The following ITGAE variants were observed in gnomAD, a reference collection of about 807,000 sequenced individuals.
The protein encoded by ITGAE is integrin subunit alpha E, also known as integrin alpha-E.
Under a neutral mutation model 136.5 loss-of-function variants are expected in ITGAE, and 99 were observed. The ratio of observed to expected loss-of-function variants is 0.73; its 90% CI spans 0.62 to 0.86. ITGAE has a LOEUF of 0.86. ITGAE is among the 40% of genes least tolerant of loss of function. ITGAE has a pLI of 0.00. For synonymous variants in ITGAE, 613 were observed against 591.8 expected, an observed-to-expected ratio of 1.04 and a Z score of -0.52; for missense variants, 1,447 against 1,515.3, an observed-to-expected ratio of 0.95 and a Z score of 0.75.
At position 3,743,560 on chromosome 17, in the gene ITGAE, T is replaced by A. The variant is rs764426775; in HGVS notation, c.2377A>T (p.Thr793Ser). Reference sequence around the variant, plus strand: ...GGATGGTCCGTCTGTCCCTCAGGGGTCTGGAGCTGGTAGCTGACTTTGACA... The same window carrying A: ...GGATGGTCCGTCTGTCCCTCAGGGGACTGGAGCTGGTAGCTGACTTTGACA... ...ASVKVSYQLQTPEGQTDHPQP... is the reference protein window; with the variant it reads ...ASVKVSYQLQSPEGQTDHPQP... The change falls in exon 19 of 31, where the codon ACC becomes TCC. Residue 793 changes from threonine to serine, a missense_variant. By Grantham distance (58) the Thr-to-Ser change is moderately conservative. Coordinates refer to ENST00000263087, the MANE Select transcript of ITGAE (RefSeq NM_002208.5). 3.7e-6 allele frequency: 6 copies of A among 1,612,818 alleles called. No individual in the cohort carries two copies. The South Asian group carries it at 4.4e-5, about 12-fold the overall frequency.
intron 24 of ITGAE, among the ~76,000 whole-genome samples, chr17:3,728,861 C>T (rs2915556): frequency 0.39 from 58,898 of 150,420 alleles, 13,567 homozygotes; most frequent in African/African-American, 0.64. Context: ...GTGAAATCCC[C>T]GTCTCTATTA....
chr17:3,752,592 C>G (rs2051898531), intron 14 of ITGAE, among the ~76,000 whole-genome samples: 1 of 151,950 alleles, frequency 6.6e-6, no homozygotes, highest in African/African-American at 2.4e-5. Context: ...CCCATCTCTA[C>G]TAAAATTACA....
chr17:3,754,473 T>C (rs889583176), intron 12 of ITGAE, among the ~76,000 whole-genome samples: 7 of 152,190 alleles, frequency 4.6e-5, no homozygotes, highest in African/African-American at 1.7e-4. Flanking sequence ...GGTTTTGCCA[T>C]GTTGGCCGGG....
intron 1 of ITGAE, among the ~76,000 whole-genome samples, chr17:3,780,200 A>C: frequency 1.5e-5 from 2 of 133,420 alleles, no homozygotes; most frequent in Admixed American, 8.0e-5. Context: ...AAATGGAGTC[A>C]CACTCTGTCA....
chr17:3,726,089 G>T (rs1440121592), intron 26 of ITGAE: 2 of 1,614,074 alleles, frequency 1.2e-6, no homozygotes, highest in Non-Finnish European at 1.7e-6. Context: ...GTGACTACCA[G>T]TTTGACATCT....
intron 8 of ITGAE, among the ~76,000 whole-genome samples, chr17:3,759,188 G>C (rs1054315774): frequency 4.2e-4 from 63 of 151,416 alleles, no homozygotes; most frequent in Non-Finnish European, 4.0e-4. Flanking sequence ...TGTCCACTGA[G>C]CACTCTGCTC....
chr17:3,761,942 G>C lies in ITGAE; in HGVS notation c.288C>G (p.Thr96=), dbSNP rs143183572. 1.3e-4 allele frequency: 204 copies of C among 1,613,968 alleles called. 1 individual carries two copies. The African/African-American group carries it at 2.0e-3, about 16-fold the overall frequency. ...AAACACCGTGGTGGCTCCGGACAAC[G>C]GTCACTCCCCGGTGCCTCCCCTTGG... ...PIPKGRHRGV[T]VVRSHHGVLI... Residue 96 remains threonine (T), a synonymous_variant, in exon 4 of 31, where the codon ACC becomes ACG. Transcript: ENST00000263087.
chr17:3,793,737 T>C (rs2052996314), intron 1 of ITGAE, among the ~76,000 whole-genome samples: 1 of 152,030 alleles, frequency 6.6e-6, no homozygotes, highest in Admixed American at 6.6e-5. Context: ...TTAGTAGAGA[T>C]GTGGTTTCAC....
chr17:3,732,338 A>G (rs1251388725), intron 22 of ITGAE, 30 bp downstream of exon 22: 21 of 1,523,882 alleles, frequency 1.4e-5, no homozygotes, highest in Non-Finnish European at 1.8e-5. Context: ...CAGGGTGGTG[A>G]GAAGAGCGAA....
intron 2 of ITGAE, among the ~76,000 whole-genome samples, chr17:3,764,551 G>A (rs2052248503): frequency 1.3e-5 from 2 of 152,170 alleles, no homozygotes; most frequent in Admixed American, 1.3e-4. Context: ...ACAAAAATTA[G>A]CCGGGCATGG....
intron 1 of ITGAE, among the ~76,000 whole-genome samples, chr17:3,797,608 G>C (rs572630525): frequency 1.3e-5 from 2 of 151,652 alleles, no homozygotes; most frequent in Non-Finnish European, 2.9e-5. Flanking sequence ...TTACAGGTGC[G>C]CACCACCATG....
At chr17:3,797,303 C>T (rs1322280797) in intron 1 of ITGAE, among the ~76,000 whole-genome samples, 8 of 144,302 alleles carry the variant, frequency 5.5e-5, no homozygotes, top group East Asian at 2.1e-4. Flanking sequence ...GTAGCTGGGA[C>T]TACAGGCACC....
chr17:3,797,153 ATATATTTTTTTTTTT>A (rs1375191638), intron 1 of ITGAE, among the ~76,000 whole-genome samples: 3 of 21,286 alleles, frequency 1.4e-4, no homozygotes, highest in African/African-American at 7.1e-4. Flanking sequence ...ATATATATAT[ATATATTTTTTTTTTT>A]TTTTTTTTTT....
intron 1 of ITGAE, among the ~76,000 whole-genome samples, chr17:3,780,364 G>A (rs920241625): frequency 1.3e-5 from 2 of 151,994 alleles, no homozygotes; most frequent in Non-Finnish European, 1.5e-5. Context: ...GGGTTTCACC[G>A]TGTTAAGCCA....
chr17:3,756,224 CTTTTTTTTT>C (rs398041526), intron 10 of ITGAE, among the ~76,000 whole-genome samples: 2 of 95,028 alleles, frequency 2.1e-5, no homozygotes, highest in Non-Finnish European at 4.2e-5. Flanking sequence ...TATTGTTGGC[CTTTTTTTTT>C]TTTTTTTTTT....
chr17:3,723,605 C>G (rs1462396347), intron 27 of ITGAE, 83 bp downstream of exon 27: 6 of 1,398,992 alleles, frequency 4.3e-6, no homozygotes, highest in Non-Finnish European at 5.8e-6. Flanking sequence ...CAGGGGTAAC[C>G]CAGGAAAAAC....
chr17:3,769,634 G>GCAA (rs935591124), intron 2 of ITGAE, among the ~76,000 whole-genome samples: 78 of 152,222 alleles, frequency 5.1e-4, no homozygotes, highest in Non-Finnish European at 1.6e-4. Flanking sequence ...GTACAGCCCA[G>GCAA]CAACCCTTGT....
At chr17:3,791,158 A>C (rs1397499030) in intron 1 of ITGAE, among the ~76,000 whole-genome samples, 1 of 145,870 alleles carries the variant, frequency 6.9e-6, no homozygotes, top group Non-Finnish European at 1.6e-5. Context: ...CTGTCTCAAA[A>C]AAAAAAAAAA....
chr17:3,768,179 C>G (rs1321770278), intron 2 of ITGAE, among the ~76,000 whole-genome samples: 1 of 151,762 alleles, frequency 6.6e-6, no homozygotes, highest in Non-Finnish European at 1.5e-5. Flanking sequence ...AGTTGAAGTA[C>G]AGTGGCATGA....
Sources: gnomAD v4.1 joint callset for allele counts (sites outside exome capture counted in the v4.1 genomes callset) on GRCh38, gnomAD v4.1.1 for gene constraint, MANE v1.5 for transcripts, NCBI Gene and HGNC (gene_info 2026-07-23, HGNC 2026-07-21) for gene names.